Variants in SIPA1L3 observed in about 807,000 individuals in gnomAD.
SIPA1L3 encodes the protein signal-induced proliferation-associated 1-like protein 3.
Under a neutral mutation model 150.1 loss-of-function variants are expected in SIPA1L3, and 59 were observed. The ratio of observed to expected loss-of-function variants is 0.39; its 90% CI spans 0.32 to 0.49. SIPA1L3 has a LOEUF of 0.49. Among genes scored for constraint, SIPA1L3 ranks in the 20% least tolerant of loss-of-function variants. The pLI is 0.86. For synonymous variants in SIPA1L3, 1,070 were observed against 1,077.6 expected (o/e 0.99, Z 0.14); for missense variants, 2,211 against 2,489.5 (o/e 0.89, Z 2.38).
chr19:38,179,690 A>G (rs982515619), intron 15 of SIPA1L3, among the ~76,000 whole-genome samples: 3 of 152,174 alleles, frequency 2.0e-5, no homozygotes, highest in Non-Finnish European at 4.4e-5. Flanking sequence ...TGCCTTATAC[A>G]GTCTTATGTC....
At chr19:37,976,510 C>G (rs1298445024) in intron 1 of SIPA1L3, among the ~76,000 whole-genome samples, 2 of 152,132 alleles carry the variant, frequency 1.3e-5, no homozygotes, top group Admixed American at 1.3e-4. Flanking sequence ...AACTCAGGCA[C>G]CCTGAGGCCC....
intron 1 of SIPA1L3, among the ~76,000 whole-genome samples, chr19:38,015,856 G>T (rs1015333857): frequency 6.6e-6 from 1 of 152,080 alleles, no homozygotes; most frequent in Non-Finnish European, 1.5e-5. Flanking sequence ...GGCCTCTGGG[G>T]ACTGTCAGTG....
At chr19:37,986,621 G>C (rs550806169) in intron 1 of SIPA1L3, among the ~76,000 whole-genome samples, 131 of 152,368 alleles carry the variant, frequency 8.6e-4, no homozygotes, top group African/African-American at 1.3e-3. Context: ...GCCAGGGAGA[G>C]AAGACTGCTT....
Position 38,193,698 on chromosome 19 carries a change from A to C in SIPA1L3, c.4758A>C (p.Ala1586=), listed in dbSNP as rs1972855630. The change falls in exon 18 of 22, where the codon GCA becomes GCC. Residue 1586 remains alanine (A), a synonymous_variant. Transcript: ENST00000222345. ...CCTTCCCGTCCAGCACGCTGCCTGC[A>C]CGCCGCCAGCACCAGCACCCCCACC... ...TCAFPSSTLP[A]RRQHQHPHPP... 5 of 1,572,234 alleles carry C rather than the reference A, an allele frequency of 3.2e-6. No individual in the cohort carries two copies. Among genetic ancestry groups the C allele is most frequent in the Non-Finnish European group, 4.3e-6 (5 of 1,166,988 alleles).
intron 17 of SIPA1L3, among the ~76,000 whole-genome samples, chr19:38,192,813 C>G (rs1410594326): frequency 6.6e-6 from 1 of 152,188 alleles, no homozygotes; most frequent in African/African-American, 2.4e-5. Flanking sequence ...TTTGTGGGGA[C>G]TGAGGTGGAC....
At chr19:38,030,525 C>T (rs970784790) in intron 2 of SIPA1L3, among the ~76,000 whole-genome samples, 9 of 151,412 alleles carry the variant, frequency 5.9e-5, no homozygotes, top group Non-Finnish European at 1.3e-4. Flanking sequence ...CTCAAAAAAA[C>T]CTAAAAATTT....
chr19:37,978,966 C>T (rs10418313), intron 1 of SIPA1L3, among the ~76,000 whole-genome samples: 1,788 of 151,832 alleles, frequency 0.012, 35 homozygotes, highest in African/African-American at 0.04. Context: ...ACAGAGACCC[C>T]GTCTCAAAAA....
At chr19:38,200,314 A>AGGC (rs922262419) in intron 19 of SIPA1L3, 68 of 152,314 alleles carry the variant, frequency 4.5e-4, no homozygotes, top group African/African-American at 1.5e-3. Flanking sequence ...CAGTAGTTCT[A>AGGC]GGCTGGAGTA....
chr19:38,188,548 A>G (rs1972737755), intron 16 of SIPA1L3, among the ~76,000 whole-genome samples: 1 of 151,876 alleles, frequency 6.6e-6, no homozygotes, highest in African/African-American at 2.4e-5. Context: ...AACCTGGAGG[A>G]TGTTTTCTTC....
chr19:37,941,849 G>T (rs1296214935), intron 1 of SIPA1L3, among the ~76,000 whole-genome samples: 1 of 152,104 alleles, frequency 6.6e-6, no homozygotes, highest in East Asian at 1.9e-4. Flanking sequence ...AACAATAAAG[G>T]GCTCTACTCC....
chr19:37,911,778 C>T (rs1291802909), intron 1 of SIPA1L3, among the ~76,000 whole-genome samples: 1 of 152,052 alleles, frequency 6.6e-6, no homozygotes, highest in Admixed American at 6.6e-5. Flanking sequence ...GGATTACAAG[C>T]GTGAGCCACC....
intron 2 of SIPA1L3, among the ~76,000 whole-genome samples, chr19:38,068,123 C>T (rs903444621): frequency 9.9e-5 from 15 of 151,476 alleles, no homozygotes; most frequent in Non-Finnish European, 1.3e-4. Context: ...CCTGGGTTCA[C>T]GCCATTCTCC....
At chr19:37,983,575 A>G (rs1967255780) in intron 1 of SIPA1L3, among the ~76,000 whole-genome samples, 1 of 152,060 alleles carries the variant, frequency 6.6e-6, no homozygotes, top group African/African-American at 2.4e-5. Flanking sequence ...GATGTTGTTC[A>G]CCTTGTGAAC....
intron 13 of SIPA1L3, among the ~76,000 whole-genome samples, chr19:38,159,055 G>C (rs1314864009): frequency 6.6e-6 from 1 of 152,238 alleles, no homozygotes; most frequent in Non-Finnish European, 1.5e-5. Flanking sequence ...CGGGGAGCCA[G>C]CACCTTCTGG....
intron 1 of SIPA1L3, among the ~76,000 whole-genome samples, chr19:37,963,267 G>A (rs2046875588): frequency 1.3e-5 from 2 of 152,222 alleles, no homozygotes; most frequent in Admixed American, 1.3e-4. Context: ...TGTGTGGACA[G>A]CAAGGGCCCC....
In SIPA1L3 at chr19:38,046,528, G is replaced by T. The variant is rs1969061560; in HGVS notation, c.-311+17372G>T. Among the ~76,000 whole-genome samples, 1 of 152,162 alleles carries T rather than the reference G, an allele frequency of 6.6e-6. No homozygotes were observed. Among genetic ancestry groups the T allele is most frequent in the African/African-American group, 2.4e-5 (1 of 41,432 alleles). On this transcript the variant is annotated intron_variant, in intron 2 of 21. Transcript: ENST00000222345. The surrounding 1 kb of genome is among the most constrained non-coding windows in gnomAD (Gnocchi z 5.6). Reference sequence around the variant, plus strand: ...GGAAAGAGGCAGGGTGGCCGGGGAGGGGAGTTTCCAGATTACCTGTGTCTC... The same window carrying T: ...GGAAAGAGGCAGGGTGGCCGGGGAGTGGAGTTTCCAGATTACCTGTGTCTC...
In SIPA1L3 at chr19:38,141,374, C is replaced by T. The variant is rs377358251; in HGVS notation, c.3334C>T (p.Arg1112Trp). The T allele has an allele frequency of 8.1e-6, 13 of 1,613,704 alleles. No individual in the cohort carries two copies. In the Admixed American group the frequency reaches 8.3e-5, roughly 10 times the overall value. Residue 1112 changes from arginine (R) to tryptophan (W), a missense_variant, in exon 11 of 22, where the codon CGG becomes TGG. Physicochemically the swap from Arg to Trp is moderately radical, Grantham distance 101. This residue lies in a region of SIPA1L3 where 806 missense variants were observed against 870.1 expected (regional missense o/e 0.93). Coordinates refer to ENST00000222345, the MANE Select transcript of SIPA1L3 (RefSeq NM_015073.3). ...TCCCGGCCATGCCCAGTCCCTGAGC[C>T]GGCCCCTGAAGCAGACCCCCATAGT... ...TTPGHAQSLS[R>W]PLKQTPIVPF...
At chr19:38,104,855 G>A (rs1352334520) in intron 6 of SIPA1L3, among the ~76,000 whole-genome samples, 1 of 151,838 alleles carries the variant, frequency 6.6e-6, no homozygotes, top group Non-Finnish European at 1.5e-5. Context: ...ACAGGTGTGA[G>A]CCACCGCGCC....
At chr19:38,129,250 G>C (rs2145915930) in intron 9 of SIPA1L3, among the ~76,000 whole-genome samples, 1 of 152,280 alleles carries the variant, frequency 6.6e-6, no homozygotes, top group South Asian at 2.1e-4. Context: ...AGTCCTGGAG[G>C]CCAGGCCCTG....
Sources: gnomAD v4.1 joint callset for allele counts (sites outside exome capture counted in the v4.1 genomes callset) on GRCh38, gnomAD v4.1.1 for gene constraint, gnomAD v4.1.1 regional missense constraint, Gnocchi (gnomAD v3.1) non-coding constraint, MANE v1.5 for transcripts, NCBI Gene and HGNC (gene_info 2026-07-23, HGNC 2026-07-21) for gene names.